Variants in SCAI observed in about 807,000 individuals in gnomAD.
SCAI encodes suppressor of cancer cell invasion.
SCAI carries 24 observed loss-of-function variants against 92.2 expected under a neutral mutation model. The ratio of observed to expected loss-of-function variants is 0.26; its 90% CI spans 0.19 to 0.37. The LOEUF is 0.37. Ranked by LOEUF, SCAI falls within the 10% of genes least tolerant of loss-of-function variation. The pLI is 1.00. For synonymous variants in SCAI, 261 were observed against 258.6 expected, an observed-to-expected ratio of 1.01 and a Z score of -0.09; for missense variants, 450 against 736.2, an observed-to-expected ratio of 0.61 and a Z score of 4.50.
intron 2 of SCAI, among the ~76,000 whole-genome samples, chr9:125,070,397 C>CTT (rs34011891): frequency 1.4e-3 from 170 of 118,266 alleles, no homozygotes; most frequent in Admixed American, 1.9e-3. Context: ...TAAAAACAAT[C>CTT]TTTTTTTTTT....
intron 14 of SCAI, among the ~76,000 whole-genome samples, chr9:124,990,341 C>A (rs978448456): frequency 6.7e-6 from 1 of 150,086 alleles, no homozygotes; most frequent in Non-Finnish European, 1.5e-5. Context: ...ACACAAAAAT[C>A]AGCCAGGTGT....
At chr9:125,006,935 A>G (rs1376920584) in intron 9 of SCAI, among the ~76,000 whole-genome samples, 3 of 151,472 alleles carry the variant, frequency 2.0e-5, no homozygotes, top group African/African-American at 4.8e-5. Flanking sequence ...CCTGGCCAAC[A>G]TGGTGAAACC....
At chr9:125,031,289 C>T (rs1294558933) in intron 3 of SCAI, among the ~76,000 whole-genome samples, 6 of 150,278 alleles carry the variant, frequency 4.0e-5, no homozygotes, top group East Asian at 3.9e-4. Context: ...GAGATGGAGT[C>T]GCGCTCTTGC....
intron 14 of SCAI, among the ~76,000 whole-genome samples, chr9:124,989,425 C>CA (rs987937939): frequency 2.9e-4 from 44 of 151,726 alleles, no homozygotes; most frequent in Non-Finnish European, 4.7e-4. Context: ...ACTAAAAATA[C>CA]AAAAAATTAG....
chr9:124,961,985 G>C (rs1437331714), intron 17 of SCAI, among the ~76,000 whole-genome samples: 2 of 151,446 alleles, frequency 1.3e-5, no homozygotes, highest in African/African-American at 4.9e-5. Context: ...CTGCCTCTTG[G>C]TTGGCAGAAG....
intron 15 of SCAI, among the ~76,000 whole-genome samples, chr9:124,973,387 G>A (rs1694113437): frequency 6.6e-6 from 1 of 152,212 alleles, no homozygotes; most frequent in Admixed American, 6.5e-5. Flanking sequence ...CCTTTAGCTA[G>A]AAGGAATGAC....
chr9:124,975,500 G>T lies in SCAI; in HGVS notation c.1399+614C>A, dbSNP rs10513439. The T allele has an allele frequency of 9.4e-3, 2,639 of 281,046 alleles. 72 individuals carry two copies. Among genetic ancestry groups the T allele is most frequent in the African/African-American group, 0.057 (2,500 of 44,216 alleles). 17.4% of individuals were successfully genotyped at this position (281,046 alleles called of 1,614,324 possible). Reference sequence around the variant, plus strand: ...ACTGGGAGTTAGAATTAGATTTTATGTGTCACTAATTAAAGACAAATTATT... The same window carrying T: ...ACTGGGAGTTAGAATTAGATTTTATTTGTCACTAATTAAAGACAAATTATT... On this transcript the variant is annotated intron_variant, in intron 15 of 17. Coordinates refer to ENST00000336505, the MANE Select transcript of SCAI (RefSeq NM_001144877.3).
At chr9:125,095,792 G>C (rs1277736962) in intron 2 of SCAI, among the ~76,000 whole-genome samples, 1 of 152,138 alleles carries the variant, frequency 6.6e-6, no homozygotes. Context: ...TGATGAGAGA[G>C]CAACAAGAGA....
chr9:124,962,309 G>A (rs143847202), intron 17 of SCAI, among the ~76,000 whole-genome samples: 21 of 151,688 alleles, frequency 1.4e-4, no homozygotes, highest in Middle Eastern at 3.4e-3. Context: ...ACAGGCTCAC[G>A]CCACGACGCC....
In SCAI at chr9:124,945,154, GTT is replaced by G. The variant is rs1831125566; in HGVS notation, c.*7651_*7652del. 6.6e-6 allele frequency: 1 copy of G among 150,542 alleles called. No homozygotes were observed. The highest frequency in any genetic ancestry group is 1.5e-5 in the Non-Finnish European group (1 of 67,808). 9.3% of individuals were successfully genotyped at this position (150,542 alleles called of 1,614,324 possible). The stretch of plus-strand genomic sequence containing the variant: ...ATGAAATTTAGGCTTGAATAAGTGA[GTT>G]TGTAGTTTTAATATAATGTACTTCA... On this transcript the variant is annotated 3_prime_UTR_variant, in exon 18 of 18. Coordinates refer to ENST00000336505, the MANE Select transcript of SCAI (RefSeq NM_001144877.3).
chr9:125,010,746 C>T (rs1369489082), intron 9 of SCAI, among the ~76,000 whole-genome samples: 1 of 152,186 alleles, frequency 6.6e-6, no homozygotes, highest in East Asian at 1.9e-4. Flanking sequence ...GGGTCCCTGA[C>T]CCCGACCCCT....
At chr9:125,092,168 A>T (rs994024537) in intron 2 of SCAI, among the ~76,000 whole-genome samples, 3 of 131,946 alleles carry the variant, frequency 2.3e-5, no homozygotes, top group African/African-American at 8.8e-5. Flanking sequence ...AAAAAAAAAA[A>T]TCAGGCTTGG....
At chr9:125,140,979 T>TTTATCTAGCAGATAA (rs1835652714) in intron 2 of SCAI, among the ~76,000 whole-genome samples, 1 of 152,212 alleles carries the variant, frequency 6.6e-6, no homozygotes, top group Non-Finnish European at 1.5e-5. Context: ...AAATCTAGCA[T>TTTATCTAGCAGATAA]GTATTTTATA....
chr9:125,096,082 C>A (rs1453909328), intron 2 of SCAI, among the ~76,000 whole-genome samples: 2 of 152,166 alleles, frequency 1.3e-5, no homozygotes, highest in Non-Finnish European at 2.9e-5. Flanking sequence ...TACACTCATC[C>A]TGTATTAGTC....
chr9:125,127,050 G>A (rs1835293572), intron 2 of SCAI, among the ~76,000 whole-genome samples: 1 of 152,000 alleles, frequency 6.6e-6, no homozygotes, highest in Non-Finnish European at 1.5e-5. Context: ...AGAAAAATGG[G>A]AGCAATTTAT....
At chr9:125,107,292 C>T (rs750679405) in intron 2 of SCAI, among the ~76,000 whole-genome samples, 14 of 151,614 alleles carry the variant, frequency 9.2e-5, no homozygotes, top group Non-Finnish European at 1.6e-4. Flanking sequence ...GCCTGTAGTC[C>T]CAGCTACTTG....
intron 2 of SCAI, among the ~76,000 whole-genome samples, chr9:125,109,060 C>A (rs1366188694): frequency 3.3e-5 from 5 of 152,174 alleles, no homozygotes; most frequent in Non-Finnish European, 4.4e-5. Flanking sequence ...CACCTTACCC[C>A]CAACCCGCTG....
intron 3 of SCAI, among the ~76,000 whole-genome samples, chr9:125,047,071 T>A (rs1400285230): frequency 6.6e-6 from 1 of 152,186 alleles, no homozygotes; most frequent in Non-Finnish European, 1.5e-5. Flanking sequence ...CCAAGGGTTA[T>A]GGGCTGAATT....
chr9:125,093,911 C>T (rs530248357), intron 2 of SCAI, among the ~76,000 whole-genome samples: 6 of 152,254 alleles, frequency 3.9e-5, no homozygotes, highest in Admixed American at 3.3e-4. Context: ...CCCCTGAATT[C>T]CAGTCTCCAC....
Sources: allele counts gnomAD v4.1 joint callset (sites outside exome capture counted in the v4.1 genomes callset), GRCh38; gene constraint gnomAD v4.1.1; transcripts MANE v1.5; gene names NCBI Gene and HGNC (gene_info 2026-07-23, HGNC 2026-07-21).